The following CACNA2D3 variants were observed in gnomAD, a reference collection of about 807,000 sequenced individuals.
CACNA2D3 encodes voltage-dependent calcium channel subunit alpha-2/delta-3.
Under a neutral mutation model 160.6 loss-of-function variants are expected in CACNA2D3, and 60 were observed. That is an observed-to-expected ratio of 0.37 (90% CI 0.30 to 0.46). The LOEUF (loss-of-function observed/expected upper bound fraction) is 0.46. Ranked by LOEUF, CACNA2D3 falls within the 20% of genes least tolerant of loss-of-function variation. The probability of loss-of-function intolerance (pLI) is 1.00; values close to 1 mark genes in which losing one functional copy is unlikely to be tolerated. For missense variants in CACNA2D3, 1,205 were observed against 1,365.0 expected, an observed-to-expected ratio of 0.88 and a Z score of 1.85; for synonymous variants, 558 against 492.9, an observed-to-expected ratio of 1.13 and a Z score of -1.75.
chr3:54,458,872 T>G (rs1700446899), intron 4 of CACNA2D3, among the ~76,000 whole-genome samples: 1 of 152,050 alleles, frequency 6.6e-6, no homozygotes, highest in African/African-American at 2.4e-5. Flanking sequence ...GCTGCACCCA[T>G]TAACTCGTCA....
chr3:54,615,027 A>G (rs1488868984), intron 9 of CACNA2D3, among the ~76,000 whole-genome samples: 2 of 152,258 alleles, frequency 1.3e-5, no homozygotes, highest in Non-Finnish European at 2.9e-5. Context: ...TTTGAAAACC[A>G]GTAAAGAAAT....
intron 14 of CACNA2D3, among the ~76,000 whole-genome samples, chr3:54,822,752 TTC>T (rs1491078859): frequency 2.2e-4 from 16 of 73,204 alleles, no homozygotes; most frequent in African/African-American, 9.2e-4. Context: ...CTTTCTTTCT[TTC>T]TTTCTTTCTT....
At chr3:54,180,697 C>T (rs1206953812) in intron 2 of CACNA2D3, among the ~76,000 whole-genome samples, 1 of 152,222 alleles carries the variant, frequency 6.6e-6, no homozygotes, top group African/African-American at 2.4e-5. Flanking sequence ...GCTGCTTCTT[C>T]TGAGTCTTCT....
intron 16 of CACNA2D3, among the ~76,000 whole-genome samples, chr3:54,841,011 C>T (rs555428853): frequency 1.3e-4 from 20 of 152,066 alleles, no homozygotes; most frequent in Non-Finnish European, 2.2e-4. Flanking sequence ...CATGAGCCAC[C>T]GTGCCGGGCC....
chr3:54,138,980 T>A (rs564629499), intron 2 of CACNA2D3, among the ~76,000 whole-genome samples: 1 of 152,300 alleles, frequency 6.6e-6, no homozygotes, highest in African/African-American at 2.4e-5. Flanking sequence ...AGAGAGACAC[T>A]GGGCTGGAGG....
chr3:54,747,130 T>C (rs895921835), intron 11 of CACNA2D3, among the ~76,000 whole-genome samples: 14 of 152,246 alleles, frequency 9.2e-5, no homozygotes, highest in Admixed American at 9.2e-4. Context: ...TTAGACCTCA[T>C]CTGCTTGGTG....
At position 54,675,192 on chromosome 3, in the gene CACNA2D3, G is replaced by T. The variant is rs1474345108; in HGVS notation, c.1167+32951G>T. Among the ~76,000 whole-genome samples the T allele has an allele frequency of 2.0e-5, 3 of 152,172 alleles. No homozygotes were observed. In the East Asian group the frequency reaches 5.8e-4, roughly 29 times the overall value. ...GCTGCATGGTATGCAGGGTTTGGGA[G>T]ACAGGGCCATCACTTGATAGGAATG... On this transcript the variant is annotated intron_variant, in intron 11 of 37. Transcript: ENST00000474759.
chr3:54,291,048 A>G (rs1703188762), intron 2 of CACNA2D3, among the ~76,000 whole-genome samples: 1 of 152,200 alleles, frequency 6.6e-6, no homozygotes. Context: ...CCTAAAACTT[A>G]AAGTATAATA....
intron 2 of CACNA2D3, among the ~76,000 whole-genome samples, chr3:54,177,269 T>C (rs1166274284): frequency 6.6e-6 from 1 of 152,236 alleles, no homozygotes; most frequent in Non-Finnish European, 1.5e-5. Flanking sequence ...GTGCTGTGCC[T>C]TGTTACAATT....
At chr3:54,446,606 C>T (rs1700225710) in intron 4 of CACNA2D3, among the ~76,000 whole-genome samples, 1 of 151,788 alleles carries the variant, frequency 6.6e-6, no homozygotes, top group Non-Finnish European at 1.5e-5. Flanking sequence ...CTTTTTTTCC[C>T]TTAAGGAGTA....
intron 2 of CACNA2D3, among the ~76,000 whole-genome samples, chr3:54,141,888 C>T (rs1041578978): frequency 1.4e-4 from 21 of 152,160 alleles, no homozygotes; most frequent in African/African-American, 1.7e-4. Context: ...GGTATCATGC[C>T]GGCTCTTGGA....
intron 11 of CACNA2D3, among the ~76,000 whole-genome samples, chr3:54,738,752 G>A (rs1701580753): frequency 6.6e-6 from 1 of 152,156 alleles, no homozygotes; most frequent in African/African-American, 2.4e-5. Flanking sequence ...AATGATCTAT[G>A]ATCCCATATG....
chr3:54,390,676 T>C (rs1288166708), intron 4 of CACNA2D3, among the ~76,000 whole-genome samples: 1 of 152,148 alleles, frequency 6.6e-6, no homozygotes, highest in Non-Finnish European at 1.5e-5. Flanking sequence ...CATGGAAGGA[T>C]TTGTCTTGGC....
At chr3:54,445,822 T>G (rs956629727) in intron 4 of CACNA2D3, among the ~76,000 whole-genome samples, 1 of 152,214 alleles carries the variant, frequency 6.6e-6, no homozygotes, top group African/African-American at 2.4e-5. Flanking sequence ...CTTATGCGGT[T>G]ACTTCCAGCC....
At chr3:54,349,573 T>C (rs1392469838) in intron 3 of CACNA2D3, among the ~76,000 whole-genome samples, 1 of 152,222 alleles carries the variant, frequency 6.6e-6, no homozygotes, top group African/African-American at 2.4e-5. Context: ...CCTTTAATTT[T>C]TGTCTGTCTA....
intron 27 of CACNA2D3, among the ~76,000 whole-genome samples, chr3:54,966,119 C>T (rs912684983): frequency 2.6e-5 from 4 of 151,968 alleles, no homozygotes; most frequent in African/African-American, 9.7e-5. Context: ...ATGAGGGCTC[C>T]ATCAGAGAAC....
intron 27 of CACNA2D3, among the ~76,000 whole-genome samples, chr3:54,944,650 T>C (rs891883230): frequency 6.6e-6 from 1 of 152,170 alleles, no homozygotes; most frequent in African/African-American, 2.4e-5. Flanking sequence ...CTCGAACTCC[T>C]GACCTCATGA....
intron 27 of CACNA2D3, among the ~76,000 whole-genome samples, chr3:54,937,360 G>A (rs1559637254): frequency 6.6e-6 from 1 of 152,314 alleles, no homozygotes; most frequent in Admixed American, 6.5e-5. Flanking sequence ...TGCAAATACA[G>A]TTGTCCCTCG....
chr3:54,651,125 A>G (rs1275897256), intron 11 of CACNA2D3, among the ~76,000 whole-genome samples: 2 of 152,198 alleles, frequency 1.3e-5, no homozygotes, highest in Admixed American at 6.5e-5. Context: ...TAAAATGACC[A>G]TAGGTCAGAG....
Sources: gnomAD v4.1 joint callset for allele counts (sites outside exome capture counted in the v4.1 genomes callset) on GRCh38, gnomAD v4.1.1 for gene constraint, MANE v1.5 for transcripts, NCBI Gene and HGNC (gene_info 2026-07-23, HGNC 2026-07-21) for gene names.